RASGEF1C: variants seen among roughly 807,000 people sequenced by gnomAD.
RASGEF1C encodes the protein ras-GEF domain-containing family member 1C.
RASGEF1C carries 27 observed loss-of-function variants against 58.1 expected under a neutral mutation model. The ratio of observed to expected loss-of-function variants is 0.46; its 90% CI spans 0.34 to 0.64. The LOEUF (loss-of-function observed/expected upper bound fraction) is 0.64, where lower values mean the gene tolerates loss of function less well. RASGEF1C is among the 30% of genes least tolerant of loss of function. The pLI is 0.01. For synonymous variants in RASGEF1C, 243 were observed against 246.3 expected, an observed-to-expected ratio of 0.99 and a Z score of 0.13; for missense variants, 502 against 605.1, an observed-to-expected ratio of 0.83 and a Z score of 1.79.
chr5:180,131,953 G>GC (rs1766376746), intron 4 of RASGEF1C, among the ~76,000 whole-genome samples: 1 of 152,098 alleles, frequency 6.6e-6, no homozygotes, highest in Non-Finnish European at 1.5e-5. Context: ...ACTCTTCTAT[G>GC]CCCCCTCTGA....
chr5:180,127,506 G>A, intron 6 of RASGEF1C, 103 bp downstream of exon 6: 1 of 1,177,550 alleles, frequency 8.5e-7, no homozygotes, highest in East Asian at 2.8e-5. Context: ...GTCCCACTCT[G>A]GGCCACTCCA....
intron 1 of RASGEF1C, among the ~76,000 whole-genome samples, chr5:180,208,662 T>C (rs982311836): frequency 1.3e-5 from 2 of 152,090 alleles, no homozygotes; most frequent in Admixed American, 6.5e-5. Flanking sequence ...CCCCATTTCA[T>C]AGACGGGGAA....
At chr5:180,115,140 G>T (rs147476706) in intron 10 of RASGEF1C, 37 of 296,876 alleles carry the variant, frequency 1.2e-4, no homozygotes, top group Non-Finnish European at 2.2e-4. Context: ...TCAGCCTCCC[G>T]AGTAGCTGGG....
chr5:180,132,805 C>A (rs1277073737), intron 4 of RASGEF1C, among the ~76,000 whole-genome samples: 26 of 152,074 alleles, frequency 1.7e-4, no homozygotes, highest in Non-Finnish European at 1.5e-5. Flanking sequence ...CCTGTCTCTA[C>A]TAAAAACACA....
rs1756554207 is a variant in RASGEF1C at position 180,209,116 on chromosome 5, GCC to G, written c.-97_-96del. 7.9e-4 allele frequency: 1 copy of G among 1,272 alleles called. No homozygotes were observed. Among genetic ancestry groups the G allele is most frequent in the Non-Finnish European group, 4.5e-3 (1 of 222 alleles). 0.1% of individuals were successfully genotyped at this position (1,272 alleles called of 1,614,324 possible). ...GCCGCGGACCGGGGCGCCGCCCGCCGCCGCCGCCGCCGCCGCCGCCGCCGCCG... is the reference window on the plus strand; with the variant it reads ...GCCGCGGACCGGGGCGCCGCCCGCCGGCCGCCGCCGCCGCCGCCGCCGCCG... On this transcript the variant is annotated 5_prime_UTR_variant, in exon 1 of 14. Transcript: ENST00000361132.
chr5:180,155,811 A>G lies in RASGEF1C; in HGVS notation c.-6-17753T>C, dbSNP rs1269884067. ...AAGCCACAGTGAAGGGGTTTGTTTC[A>G]CCTCCCAACCCGCATGCTGCCTTCC... On this transcript the variant is annotated intron_variant, in intron 1 of 13. Coordinates refer to ENST00000361132, the MANE Select transcript of RASGEF1C (RefSeq NM_175062.4). This position sits in a 1 kb window ranked among gnomAD's most constrained non-coding sequence, Gnocchi z 5.2. Among the ~76,000 whole-genome samples the G allele has an allele frequency of 6.6e-6, 1 of 151,588 alleles. No homozygotes were observed. The highest frequency in any genetic ancestry group is 1.5e-5 in the Non-Finnish European group (1 of 67,938).
chr5:180,140,385 T>C (rs1766556959), intron 1 of RASGEF1C, among the ~76,000 whole-genome samples: 1 of 152,164 alleles, frequency 6.6e-6, no homozygotes. Flanking sequence ...CGTGTATGCA[T>C]GGGGTGACTC....
At position 180,198,099 on chromosome 5, in the gene RASGEF1C, G is replaced by A. The variant is rs1434926463; in HGVS notation, c.-7+10929C>T. Among the ~76,000 whole-genome samples the A allele has an allele frequency of 6.6e-6, 1 of 152,210 alleles. No homozygotes were observed. Among genetic ancestry groups the A allele is most frequent in the African/African-American group, 2.4e-5 (1 of 41,448 alleles). On this transcript the variant is annotated intron_variant, in intron 1 of 13. Coordinates refer to ENST00000361132, the MANE Select transcript of RASGEF1C (RefSeq NM_175062.4). The surrounding 1 kb of genome is among the most constrained non-coding windows in gnomAD (Gnocchi z 4.5). ...AGTCTGTAGGACGCTTCCTGGACAGGCTTATGGGGCGTGGCAGTTTGGGGC... is the reference window on the plus strand; with the variant it reads ...AGTCTGTAGGACGCTTCCTGGACAGACTTATGGGGCGTGGCAGTTTGGGGC...
chr5:180,147,791 A>G (rs936502591), intron 1 of RASGEF1C, among the ~76,000 whole-genome samples: 13 of 152,142 alleles, frequency 8.5e-5, no homozygotes, highest in African/African-American at 2.9e-4. Context: ...AGAGTTCTGT[A>G]TATGTCTGTT....
intron 1 of RASGEF1C, among the ~76,000 whole-genome samples, chr5:180,169,371 G>A (rs1173564622): frequency 6.6e-6 from 1 of 152,136 alleles, no homozygotes; most frequent in Non-Finnish European, 1.5e-5. Flanking sequence ...GGTTCCCTCT[G>A]TTTGGAACAC....
At chr5:180,132,274 C>T (rs921763847) in intron 4 of RASGEF1C, among the ~76,000 whole-genome samples, 1 of 152,242 alleles carries the variant, frequency 6.6e-6, no homozygotes, top group African/African-American at 2.4e-5. Flanking sequence ...CTTCTATTTC[C>T]ACAAGCCATC....
chr5:180,207,299 G>C (rs1041071504), intron 1 of RASGEF1C, among the ~76,000 whole-genome samples: 1 of 152,232 alleles, frequency 6.6e-6, no homozygotes, highest in Non-Finnish European at 1.5e-5. Flanking sequence ...CTCACTGCAG[G>C]AGAAAGGGAA....
At chr5:180,101,643 AG>A in intron 13 of RASGEF1C, 118 bp from the exon 14 acceptor site, 1 of 1,285,408 alleles carries the variant, frequency 7.8e-7, no homozygotes. Flanking sequence ...CCTGCCCCAG[AG>A]GGGTGTTCTG....
intron 1 of RASGEF1C, among the ~76,000 whole-genome samples, chr5:180,205,364 T>C (rs753210027): frequency 6.6e-6 from 1 of 152,080 alleles, no homozygotes; most frequent in African/African-American, 2.4e-5. Context: ...AAAATACTCA[T>C]GAATAAACTT....
chr5:180,102,429 T>C (rs1484362543), intron 12 of RASGEF1C, among the ~76,000 whole-genome samples: 1 of 152,238 alleles, frequency 6.6e-6, no homozygotes. Context: ...CTGGGCCATA[T>C]CATAGTGGCA....
At chr5:180,140,224 CAG>C (rs1713707484) in intron 1 of RASGEF1C, among the ~76,000 whole-genome samples, 1 of 152,194 alleles carries the variant, frequency 6.6e-6, no homozygotes, top group South Asian at 2.1e-4. Context: ...CAGGGATGCC[CAG>C]AGAGGGGCTG....
rs1266781243 is a variant in RASGEF1C, at chr5:180,158,889, C to G, written c.-6-20831G>C. ...AGAATTCTTAGCACTCATTTTTGGA[C>G]CCCCTGGACTTGTCCTCCAATTTAA... On this transcript the variant is annotated intron_variant, in intron 1 of 13. Transcript: ENST00000361132. The surrounding 1 kb of genome is among the most constrained non-coding windows in gnomAD (Gnocchi z 4.0). 6.6e-6 allele frequency among the ~76,000 whole-genome samples: 1 copy of G among 152,102 alleles called. No individual in the cohort carries two copies. Among genetic ancestry groups the G allele is most frequent in the African/African-American group, 2.4e-5 (1 of 41,426 alleles).
chr5:180,159,283 G>A (rs1275435474), intron 1 of RASGEF1C, among the ~76,000 whole-genome samples: 1 of 151,896 alleles, frequency 6.6e-6, no homozygotes, highest in East Asian at 1.9e-4. Context: ...GGGAGTACAG[G>A]CGTGCACCAC....
intron 7 of RASGEF1C, among the ~76,000 whole-genome samples, chr5:180,119,784 C>T (rs1018689690): frequency 9.9e-5 from 15 of 152,216 alleles, no homozygotes; most frequent in African/African-American, 3.6e-4. Flanking sequence ...AATTAGAGAG[C>T]CCCAACTACT....
Sources: allele counts gnomAD v4.1 joint callset (sites outside exome capture counted in the v4.1 genomes callset), GRCh38; gene constraint gnomAD v4.1.1; non-coding constraint Gnocchi (gnomAD v3.1); transcripts MANE v1.5; gene names NCBI Gene and HGNC (gene_info 2026-07-23, HGNC 2026-07-21).